Variants in ODF2L observed in about 807,000 individuals in gnomAD.
ODF2L encodes protein BCAP.
ODF2L carries 76 observed loss-of-function variants against 86.3 expected under a neutral mutation model. That is an observed-to-expected ratio of 0.88 (90% confidence interval 0.73 to 1.07). The LOEUF (loss-of-function observed/expected upper bound fraction) is 1.07, where lower values mean the gene tolerates loss of function less well. ODF2L is among the 50% of genes least tolerant of loss of function. ODF2L has a pLI of 0.00. For missense variants in ODF2L, 748 were observed against 717.4 expected (o/e 1.04, Z -0.49); for synonymous variants, 241 against 231.3 (o/e 1.04, Z -0.38).
chr1:86,380,220 T>C (rs1660469280), intron 7 of ODF2L, among the ~76,000 whole-genome samples: 1 of 152,154 alleles, frequency 6.6e-6, no homozygotes, highest in African/African-American at 2.4e-5. Flanking sequence ...ATCATCAAAA[T>C]CTAAGCTTCT....
intron 7 of ODF2L, among the ~76,000 whole-genome samples, chr1:86,376,786 G>A (rs946219966): frequency 1.3e-5 from 2 of 152,144 alleles, no homozygotes; most frequent in African/African-American, 4.8e-5. Flanking sequence ...CCACCCCCAT[G>A]ATCCAATCAC....
rs183537070 is a variant in ODF2L, at chr1:86,379,785, T to G, written c.624+2457A>C. On this transcript the variant is annotated intron_variant, in intron 7 of 17. Coordinates refer to ENST00000317336, the Ensembl canonical transcript of ODF2L. ...TCATTATTCCAAGACCAAACACAGG[T>G]TTAGATAAATTAATGACTATAAGAG... Among the ~76,000 whole-genome samples the G allele has an allele frequency of 1.3e-3, 203 of 152,244 alleles. 4 individuals are homozygous for G. In the Middle Eastern group the frequency reaches 0.027, roughly 21 times the overall value.
intron 10 of ODF2L, 103 bp downstream of exon 10, chr1:86,370,915 A>G (rs1659746319): frequency 6.5e-6 from 4 of 619,266 alleles, no homozygotes; most frequent in African/African-American, 1.9e-5. Flanking sequence ...ACAGAATTAT[A>G]CAAGAGCACT....
chr1:86,371,353 G>C (rs1479230070), intron 9 of ODF2L, among the ~76,000 whole-genome samples, 200 bp from the exon 10 acceptor site: 1 of 152,130 alleles, frequency 6.6e-6, no homozygotes, highest in East Asian at 1.9e-4. Context: ...ACTCTGATTA[G>C]AAACAATTGC....
At chr1:86,362,808 C>T (rs535016660) in intron 11 of ODF2L, among the ~76,000 whole-genome samples, 4 of 152,098 alleles carry the variant, frequency 2.6e-5, no homozygotes, top group East Asian at 1.9e-4. Flanking sequence ...TACAGGTGCC[C>T]GCCACCATGC....
At chr1:86,348,322 A>G (rs1459406043), downstream of ODF2L, 1 of 151,706 alleles carries the variant, frequency 6.6e-6, no homozygotes, top group Admixed American at 6.6e-5. Flanking sequence ...TTACACCATT[A>G]TTAAAAATTA....
chr1:86,353,073 A>G, intron 16 of ODF2L, 89 bp from the exon 16 acceptor site: 1 of 814,768 alleles, frequency 1.2e-6, no homozygotes, highest in Non-Finnish European at 2.0e-6. Flanking sequence ...TTTTTTCTAA[A>G]CAGATATTAC....
At chr1:86,378,971 C>G (rs1660375543) in intron 7 of ODF2L, among the ~76,000 whole-genome samples, 1 of 152,100 alleles carries the variant, frequency 6.6e-6, no homozygotes, top group Non-Finnish European at 1.5e-5. Flanking sequence ...GAATGGTTTA[C>G]AGCATCCTCT....
chr1:86,383,622 T>A (rs971020452), intron 4 of ODF2L, among the ~76,000 whole-genome samples: 8 of 151,792 alleles, frequency 5.3e-5, no homozygotes, highest in African/African-American at 9.7e-5. Flanking sequence ...CCATTTTAAA[T>A]GAGATCATAG....
Position 86,360,417 on chromosome 1 carries a change from A to C in ODF2L, c.1254+9T>G. On this transcript the variant is annotated intron_variant, in intron 12 of 17. Transcript: ENST00000317336. ...TTTTAGTAAACACTAAAATAAATGC[A>C]GTAGTCACCTGAGTTTTATACATTT... 8.5e-7 allele frequency: 1 copy of C among 1,170,036 alleles called. No homozygotes were observed. The highest frequency in any genetic ancestry group is 2.0e-4 in the Middle Eastern group (1 of 5,064). 72.5% of individuals were successfully genotyped at this position (1,170,036 alleles called of 1,614,324 possible).
At chr1:86,387,064 G>T in exon 2 of ODF2L, 1 of 952,538 alleles carries the variant, frequency 1.0e-6, no homozygotes, top group South Asian at 1.7e-5. Flanking sequence ...GCTTCACAGC[G>T]ACTTCTCCAC....
downstream of ODF2L, chr1:86,347,556 A>G (rs1657873820): frequency 6.6e-6 from 1 of 152,198 alleles, no homozygotes; most frequent in South Asian, 2.1e-4. Context: ...AATACTACGA[A>G]CCAACTGGAT....
intron 7 of ODF2L, among the ~76,000 whole-genome samples, chr1:86,377,360 G>A (rs1660248681): frequency 6.6e-6 from 1 of 152,132 alleles, no homozygotes; most frequent in African/African-American, 2.4e-5. Context: ...AGTATCTGTG[G>A]CTCTTCCAGG....
chr1:86,354,442 A>G, intron 16 of ODF2L, 88 bp downstream of exon 15: 2 of 856,848 alleles, frequency 2.3e-6, no homozygotes, highest in South Asian at 3.5e-5. Flanking sequence ...CATCAGGACA[A>G]AAACAATAAC....
intron 13 of ODF2L, 142 bp from the exon 13 acceptor site, chr1:86,356,744 A>G: frequency 8.2e-6 from 5 of 606,740 alleles, no homozygotes; most frequent in Non-Finnish European, 1.2e-5. Context: ...AATAAATATT[A>G]AACTCTGTTA....
intron 16 of ODF2L, 128 bp from the exon 16 acceptor site, chr1:86,353,112 T>C (rs1472608449): frequency 9.4e-6 from 6 of 635,754 alleles, no homozygotes; most frequent in African/African-American, 5.6e-5. Context: ...TTTAAAGATG[T>C]TCTATCTTGA....
intron 7 of ODF2L, 174 bp downstream of exon 7, chr1:86,382,068 G>A: frequency 1.2e-6 from 1 of 859,918 alleles, no homozygotes; most frequent in Non-Finnish European, 1.5e-6. Flanking sequence ...GTTGAAATTT[G>A]TACCCAAACC....
chr1:86,389,742 C>T (rs1336365666), intron 1 of ODF2L, among the ~76,000 whole-genome samples: 7 of 152,090 alleles, frequency 4.6e-5, no homozygotes, highest in African/African-American at 1.7e-4. Context: ...CAAAAGATCA[C>T]TCAGGCTACT....
intron 8 of ODF2L, among the ~76,000 whole-genome samples, chr1:86,372,944 TA>T (rs1166341233): frequency 1.3e-5 from 2 of 152,016 alleles, no homozygotes; most frequent in Admixed American, 1.3e-4. Flanking sequence ...AAGATTGATA[TA>T]AAGGACTTTA....
Sources: allele counts gnomAD v4.1 joint callset (sites outside exome capture counted in the v4.1 genomes callset), GRCh38; gene constraint gnomAD v4.1.1; transcripts MANE v1.5; gene names NCBI Gene and HGNC (gene_info 2026-07-23, HGNC 2026-07-21).